The following C1orf116 variants were observed in gnomAD, a reference collection of about 807,000 sequenced individuals.
The protein encoded by C1orf116 is chromosome 1 open reading frame 116, also known as specifically androgen-regulated gene protein.
Under a neutral mutation model 14.1 loss-of-function variants are expected in C1orf116, and 12 were observed. The observed-to-expected ratio is 0.85, with a 90% CI of 0.54 to 1.38. The LOEUF (loss-of-function observed/expected upper bound fraction) is 1.38. Among genes scored for constraint, C1orf116 ranks in the 40% most tolerant of loss-of-function variants. The pLI is 0.00. For synonymous variants in C1orf116, 296 were observed against 299.0 expected, an observed-to-expected ratio of 0.99 and a Z score of 0.10; for missense variants, 797 against 747.0, an observed-to-expected ratio of 1.07 and a Z score of -0.78.
At position 207,021,745 on chromosome 1, in the gene C1orf116, A is replaced by AAC. The variant is rs147791562; in HGVS notation, c.*211_*212dup. The stretch of plus-strand genomic sequence containing the variant: ...CGGCCCCCCCTCCACACACACACCA[A>AAC]ACACACACACACACACCCTCTTGTG... On this transcript the variant is annotated 3_prime_UTR_variant, in exon 4 of 4. Transcript: ENST00000359470. The AAC allele has an allele frequency of 3.9e-4, 169 of 430,790 alleles. No homozygotes were observed. The highest frequency in any genetic ancestry group is 6.6e-4 in the South Asian group (8 of 12,124). The allele number at this position is 430,790 out of a possible 1,614,324, so 26.7% of individuals were successfully genotyped here.
In C1orf116 at chr1:207,023,369, T is replaced by A; in HGVS notation, c.395A>T (p.Tyr132Phe). ...AATGTGGATATTCCTAGGGAGGCTG[T>A]AGGAGCCAGACCTGAGGCCTAGGCC... is the stretch of plus-strand genomic sequence containing the variant. The part of the protein sequence containing the change: ...PQGLGLRSGS[Y>F]SLPRNIHIAR... Residue 132 changes from tyrosine to phenylalanine, a missense_variant, in exon 4 of 4, where the codon TAC becomes TTC. Transcript: ENST00000359470. 1 of 1,614,134 alleles carries A rather than the reference T, an allele frequency of 6.2e-7. No homozygotes were observed. Among genetic ancestry groups the A allele is most frequent in the Non-Finnish European group, 8.5e-7 (1 of 1,179,998 alleles).
At position 207,018,631 on chromosome 1, in the gene C1orf116, G is replaced by A. The variant is rs1029854037; in HGVS notation, c.*3327C>T. ...TTGAAAGGGTGGTATTATTTTCCCC[G>A]TCTTATAGGTGAAGACTCTGAGGTT... On this transcript the variant is annotated 3_prime_UTR_variant, in exon 4 of 4. Transcript: ENST00000359470. 7 of 152,084 alleles carry A rather than the reference G, an allele frequency of 4.6e-5. No homozygotes were observed. Among genetic ancestry groups the A allele is most frequent in the Non-Finnish European group, 8.8e-5 (6 of 68,024 alleles). 9.4% of individuals were successfully genotyped at this position (152,084 alleles called of 1,614,324 possible). A position where few individuals can be genotyped will look rare whatever the true frequency, so the allele number is the denominator to read the frequency against.
intron 3 of C1orf116, among the ~76,000 whole-genome samples, chr1:207,024,342 G>C (rs977106715): frequency 1.3e-5 from 2 of 152,222 alleles, no homozygotes; most frequent in African/African-American, 4.8e-5. Flanking sequence ...TCACACCCTG[G>C]GACATGTGGC....
chr1:207,024,782 C>T, intron 3 of C1orf116, 105 bp downstream of exon 3: 6 of 1,370,852 alleles, frequency 4.4e-6, no homozygotes, highest in Non-Finnish European at 6.1e-6. Context: ...CCTTCTTCTG[C>T]CTGTGACCCT....
In C1orf116 at chr1:207,022,725, G is replaced by T. The variant is rs200569642; in HGVS notation, c.1039C>A (p.Arg347Ser). The T allele has an allele frequency of 6.2e-6, 10 of 1,614,154 alleles. No individual in the cohort carries two copies. Among genetic ancestry groups the T allele is most frequent in the East Asian group, 2.2e-5 (1 of 44,874 alleles). The change falls in exon 4 of 4, where the codon CGT (arginine) becomes AGT (serine). Residue 347 changes from arginine to serine, a missense_variant. Arg to Ser is a moderately radical substitution (Grantham distance 110). Transcript: ENST00000359470. Reference protein sequence around the residue: ...SCSLQEQRKARKEALEKLGLP... With the variant: ...SCSLQEQRKASKEALEKLGLP... The stretch of plus-strand genomic sequence containing the variant: ...CCCAGCTTCTCTAGAGCTTCTTTAC[G>T]TGCTTTTCTCTGCTCTTGCAGTGAA...
Position 207,020,262 on chromosome 1 carries a change from C to T in C1orf116, c.*1696G>A, listed in dbSNP as rs528801657. 5 of 152,348 alleles carry T rather than the reference C, an allele frequency of 3.3e-5. No individual in the cohort carries two copies. The highest frequency in any genetic ancestry group is 1.2e-4 in the African/African-American group (5 of 41,562). 9.4% of individuals were successfully genotyped at this position (152,348 alleles called of 1,614,324 possible). On this transcript the variant is annotated 3_prime_UTR_variant, in exon 4 of 4. Transcript: ENST00000359470. ...GTACACAGAAACCGCCACACCCACA[C>T]CTCACATACCATGACAGGGTGGAGT...
At chr1:207,025,424 C>A (rs1682048077) in intron 2 of C1orf116, among the ~76,000 whole-genome samples, 1 of 152,212 alleles carries the variant, frequency 6.6e-6, no homozygotes, top group Non-Finnish European at 1.5e-5. Context: ...TCCCAAGTTT[C>A]AATGTTTGAC....
In C1orf116 at chr1:207,022,100, C is replaced by G; in HGVS notation, c.1664G>C (p.Ser555Thr). ...TCCTTGGTAGGACAGGCGCTTGGAG[C>G]TCTGCTCCTGCTCCAGGTCAGCCAG... ...GKLADLEQEQ[S>T]SKRLSYQGQS... Residue 555 changes from serine (S) to threonine (T), a missense_variant, in exon 4 of 4, where the codon AGC (serine) becomes ACC (threonine). Coordinates refer to ENST00000359470, the MANE Select transcript of C1orf116 (RefSeq NM_023938.6). 6.2e-7 allele frequency: 1 copy of G among 1,612,688 alleles called. No homozygotes were observed. The highest frequency in any genetic ancestry group is 1.1e-5 in the South Asian group (1 of 90,944).
At chr1:207,026,974 C>T (rs1682097323) in intron 2 of C1orf116, among the ~76,000 whole-genome samples, 1 of 152,180 alleles carries the variant, frequency 6.6e-6, no homozygotes, top group Admixed American at 6.5e-5. Context: ...GGTATGAACA[C>T]TAAGTATCCC....
chr1:207,024,746 G>T, intron 3 of C1orf116, 141 bp downstream of exon 3: 1 of 1,071,286 alleles, frequency 9.3e-7, no homozygotes. Flanking sequence ...GTTCTAGCCA[G>T]GAGAGTGGTG....
chr1:207,026,276 C>A (rs1682070369), intron 2 of C1orf116, among the ~76,000 whole-genome samples: 1 of 152,202 alleles, frequency 6.6e-6, no homozygotes, highest in African/African-American at 2.4e-5. Flanking sequence ...CCAAATATAG[C>A]CCCTGGAAGC....
rs746874642 is a variant in C1orf116, at chr1:207,023,173, G to A, written c.591C>T (p.Leu197=). 10 of 1,610,140 alleles carry A rather than the reference G, an allele frequency of 6.2e-6. No homozygotes were observed. The highest frequency in any genetic ancestry group is 1.7e-4 in the Middle Eastern group (1 of 6,034). Residue 197 remains leucine (L), a synonymous_variant, in exon 4 of 4, where the codon CTC becomes CTT. Coordinates refer to ENST00000359470, the MANE Select transcript of C1orf116 (RefSeq NM_023938.6). ...QEAALDLDVV[L]IPPPEAFRDT... is the part of the protein sequence containing the mutation. ...CCCGGAAAGCTTCTGGCGGAGGGAT[G>A]AGCACCACGTCCAAGTCAAGGGCAG...
At chr1:207,032,216 C>T (rs1481185794) in intron 1 of C1orf116, among the ~76,000 whole-genome samples, 2 of 152,236 alleles carry the variant, frequency 1.3e-5, no homozygotes, top group African/African-American at 4.8e-5. Flanking sequence ...CCCATTTTGA[C>T]TCCCTCTATT....
Position 207,030,671 on chromosome 1 carries a change from G to A in C1orf116, c.-82+1908C>T, listed in dbSNP as rs78684952. ...GGTGAAAGCTGCATTTCCTTTCACC[G>A]ACTTCACAACCTTGAACCTTGGGGC... On this transcript the variant is annotated intron_variant, in intron 1 of 3. Transcript: ENST00000359470. Among the ~76,000 whole-genome samples the A allele has an allele frequency of 3.3e-3, 504 of 152,202 alleles. 2 individuals are homozygous for A. Among genetic ancestry groups the A allele is most frequent in the African/African-American group, 0.01 (416 of 41,522 alleles).
At position 207,021,828 on chromosome 1, in the gene C1orf116, T is replaced by C; in HGVS notation, c.*130A>G. 2 of 884,572 alleles carry C rather than the reference T, an allele frequency of 2.3e-6. No homozygotes were observed. The highest frequency in any genetic ancestry group is 3.3e-6 in the Non-Finnish European group (2 of 608,336). 54.8% of individuals were successfully genotyped at this position (884,572 alleles called of 1,614,324 possible). A position where few individuals can be genotyped will look rare whatever the true frequency, so the allele number is the denominator to read the frequency against. On this transcript the variant is annotated 3_prime_UTR_variant, in exon 4 of 4. Coordinates refer to ENST00000359470, the MANE Select transcript of C1orf116 (RefSeq NM_023938.6). ...TCAATGGCACAACACTGAATATAAA[T>C]GTATGCTTGGACTCAAATCTCTCCC...
rs928318692 is a variant in C1orf116, at chr1:207,019,275, C to G, written c.*2683G>C. 1 of 152,316 alleles carries G rather than the reference C, an allele frequency of 6.6e-6. No homozygotes were observed. The allele number at this position is 152,316 out of a possible 1,614,324, so 9.4% of individuals were successfully genotyped here. A position where few individuals can be genotyped will look rare whatever the true frequency, so the allele number is the denominator to read the frequency against. On this transcript the variant is annotated 3_prime_UTR_variant, in exon 4 of 4. Transcript: ENST00000359470. ...AACACATCTGAGGGCACAGACCCCC[C>G]TATCATGCCAGGCTGGGAGAGGCCA... is the stretch of plus-strand genomic sequence containing the variant.
In C1orf116 at chr1:207,022,093, C is replaced by T. The variant is rs772999834; in HGVS notation, c.1671G>A (p.Lys557=). The T allele has an allele frequency of 5.0e-6, 8 of 1,612,596 alleles. No individual in the cohort carries two copies. Among genetic ancestry groups the T allele is most frequent in the Non-Finnish European group, 5.9e-6 (7 of 1,179,072 alleles). Residue 557 remains lysine (K), a synonymous_variant, in exon 4 of 4, where the codon AAG becomes AAA. Transcript: ENST00000359470. The part of the protein sequence containing the change: ...LADLEQEQSS[K]RLSYQGQSRD... ...GGCTCTGTCCTTGGTAGGACAGGCG[C>T]TTGGAGCTCTGCTCCTGCTCCAGGT...
chr1:207,020,774 T>G lies in C1orf116; in HGVS notation c.*1184A>C, dbSNP rs1444266169. On this transcript the variant is annotated 3_prime_UTR_variant, in exon 4 of 4. Coordinates refer to ENST00000359470, the MANE Select transcript of C1orf116 (RefSeq NM_023938.6). ...AAGGGCCTTAGGGTTGAGTCTTTGA[T>G]GGTGACTATGGCTCCTTAGGGTGCT... 6.6e-6 allele frequency: 1 copy of G among 152,238 alleles called. No homozygotes were observed. Among genetic ancestry groups the G allele is most frequent in the Non-Finnish European group, 1.5e-5 (1 of 68,044 alleles). The allele number at this position is 152,238 out of a possible 1,614,324, so 9.4% of individuals were successfully genotyped here.
Position 207,022,050 on chromosome 1 carries a change from G to T in C1orf116, c.1714C>A (p.Pro572Thr), listed in dbSNP as rs371254188. The T allele has an allele frequency of 1.9e-6, 3 of 1,604,078 alleles. No individual in the cohort carries two copies. The highest frequency in any genetic ancestry group is 1.3e-5 in the African/African-American group (1 of 74,632). Residue 572 changes from proline to threonine, a missense_variant, in exon 4 of 4, where the codon CCC (proline) becomes ACC (threonine). Physicochemically the swap from Pro to Thr is conservative, Grantham distance 38. Coordinates refer to ENST00000359470, the MANE Select transcript of C1orf116 (RefSeq NM_023938.6). ...QGQSRDKLPR[P>T]PCVSVKISPK... ...GAGATCTTGACACTGACACAGGGGG[G>T]GCGAGGAAGCTTGTCACGGCTCTGT...
Sources: allele counts gnomAD v4.1 joint callset (sites outside exome capture counted in the v4.1 genomes callset), GRCh38; gene constraint gnomAD v4.1.1; transcripts MANE v1.5; gene names NCBI Gene and HGNC (gene_info 2026-07-23, HGNC 2026-07-21).